GATA2: variants seen among roughly 807,000 people sequenced by gnomAD.
The protein encoded by GATA2 is endothelial transcription factor GATA-2.
GATA2 carries 6 observed loss-of-function variants against 35.7 expected under a neutral mutation model. The ratio of observed to expected loss-of-function variants is 0.17; its 90% CI spans 0.09 to 0.33. GATA2 has a LOEUF of 0.33. GATA2 is among the 10% of genes least tolerant of loss of function. The probability of loss-of-function intolerance (pLI) is 1.00; values close to 1 mark genes in which losing one functional copy is unlikely to be tolerated. For synonymous variants in GATA2, 313 were observed against 274.9 expected, an observed-to-expected ratio of 1.14 and a Z score of -1.37; for missense variants, 541 against 656.6, an observed-to-expected ratio of 0.82 and a Z score of 1.92.
In GATA2 at chr3:128,485,924, C is replaced by T. The variant is rs146116228; in HGVS notation, c.674G>A (p.Ser225Asn). The change falls in exon 3 of 6, where the codon AGT becomes AAT. Residue 225 changes from serine (S) to asparagine (N), a missense_variant. Ser to Asn is a conservative substitution (Grantham distance 46). Transcript: ENST00000341105. Reference sequence around the variant, plus strand: ...TAGGCCTGGGCGCAGGGGACTGCCACTTTCCATCTTCATGCTCTCCGTCAG... The same window carrying T: ...TAGGCCTGGGCGCAGGGGACTGCCATTTTCCATCTTCATGCTCTCCGTCAG... ...VSLTESMKME[S>N]GSPLRPGLAT... 1.2e-6 allele frequency: 2 copies of T among 1,614,078 alleles called. No individual in the cohort carries two copies. Among genetic ancestry groups the T allele is most frequent in the African/African-American group, 2.7e-5 (2 of 74,906 alleles).
chr3:128,491,010 A>G (rs1439990747), intron 1 of GATA2, among the ~76,000 whole-genome samples: 4 of 152,232 alleles, frequency 2.6e-5, no homozygotes, highest in Non-Finnish European at 2.9e-5. Context: ...AAGGTCAGCC[A>G]GGAAGCAGAA....
chr3:128,483,687 G>A (rs1013919628), intron 4 of GATA2, among the ~76,000 whole-genome samples, 173 bp downstream of exon 4: 22 of 152,306 alleles, frequency 1.4e-4, no homozygotes, highest in African/African-American at 4.1e-4. Flanking sequence ...AATCTGGCCC[G>A]AAAGAATCTG....
rs2068739522 is a variant in GATA2 at position 128,488,793 on chromosome 3, CACTT to C, written c.-45-1721_-45-1718del. The stretch of plus-strand genomic sequence containing the variant: ...AAGTCACCTGGAAGTGCTCCCCACT[CACTT>C]CTAGCCCGGAGATCGGCTCTATGGT... On this transcript the variant is annotated intron_variant, in intron 1 of 5. Coordinates refer to ENST00000341105, the MANE Select transcript of GATA2 (RefSeq NM_032638.5). This position sits in a 1 kb window ranked among gnomAD's most constrained non-coding sequence, Gnocchi z 5.8. Among the ~76,000 whole-genome samples the C allele has an allele frequency of 1.3e-5, 2 of 152,188 alleles. No individual in the cohort carries two copies. Among genetic ancestry groups the C allele is most frequent in the South Asian group, 4.1e-4 (2 of 4,828 alleles).
intron 3 of GATA2, among the ~76,000 whole-genome samples, chr3:128,485,330 G>A (rs556319575): frequency 5.9e-5 from 9 of 152,138 alleles, no homozygotes; most frequent in South Asian, 2.1e-4. Context: ...ACAGACACAC[G>A]TATACACATG....
intron 4 of GATA2, 52 bp from the exon 5 acceptor site, chr3:128,481,996 C>T: frequency 6.2e-7 from 1 of 1,605,084 alleles, no homozygotes. Flanking sequence ...CCACCTCGAC[C>T]CCCCTCCCTG....
At chr3:128,483,116 C>A (rs1266286237) in intron 4 of GATA2, among the ~76,000 whole-genome samples, 1 of 152,256 alleles carries the variant, frequency 6.6e-6, no homozygotes, top group Non-Finnish European at 1.5e-5. Flanking sequence ...AAAAAAAGGC[C>A]CCCAAAGCAG....
Position 128,486,393 on chromosome 3 carries a change from AG to A in GATA2, c.230-26del, listed in dbSNP as rs765729565. The stretch of plus-strand genomic sequence containing the variant: ...GCTGCGGGCAAAGAGAGAGAGGATC[AG>A]GGTGGGCAGAAAGATCAGGGTAGGC... On this transcript the variant is annotated intron_variant, in intron 2 of 5. Coordinates refer to ENST00000341105, the MANE Select transcript of GATA2 (RefSeq NM_032638.5). The A allele has an allele frequency of 2.5e-6, 4 of 1,589,782 alleles. No homozygotes were observed. The South Asian group carries it at 4.5e-5, about 18-fold the overall frequency.
rs150052821 is a variant in GATA2, at chr3:128,481,115, G to T, written c.1347C>A (p.Ser449=). The T allele has an allele frequency of 1.4e-4, 229 of 1,614,168 alleles. No individual in the cohort carries two copies. Among genetic ancestry groups the T allele is most frequent in the Non-Finnish European group, 1.8e-4 (217 of 1,180,020 alleles). ...GCGTCGGAGTGGGCAGGATGTGTCC[G>T]GAGTGGCTGAAGGGCGGGAGGTGGC... The part of the protein sequence containing the change: ...PVGHLPPFSH[S]GHILPTPTPI... The change falls in exon 6 of 6, where the codon TCC becomes TCA. Residue 449 remains serine (S), a synonymous_variant. Transcript: ENST00000341105.
rs2068618258 is a variant in GATA2, at chr3:128,480,966, G to C, written c.*53C>G. The C allele has an allele frequency of 6.8e-7, 1 of 1,480,638 alleles. No homozygotes were observed. The highest frequency in any genetic ancestry group is 9.0e-7 in the Non-Finnish European group (1 of 1,111,600). The allele number at this position is 1,480,638 out of a possible 1,614,324, so 91.7% of individuals were successfully genotyped here. Reference sequence around the variant, plus strand: ...CCTTCGGGAAATGCTGGGCTGCTAAGGGTTTGGTCCACCCATCCCGGGAGT... The same window carrying C: ...CCTTCGGGAAATGCTGGGCTGCTAACGGTTTGGTCCACCCATCCCGGGAGT... On this transcript the variant is annotated 3_prime_UTR_variant, in exon 6 of 6. Coordinates refer to ENST00000341105, the MANE Select transcript of GATA2 (RefSeq NM_032638.5).
chr3:128,481,867 G>C lies in GATA2; in HGVS notation c.1095C>G (p.Asn365Lys). The C allele has an allele frequency of 6.2e-7, 1 of 1,614,100 alleles. No individual in the cohort carries two copies. The highest frequency in any genetic ancestry group is 8.5e-7 in the Non-Finnish European group (1 of 1,180,022). Residue 365 changes from asparagine to lysine, a missense_variant, in exon 5 of 6, where the codon AAC (asparagine) becomes AAG (lysine). Transcript: ENST00000341105. ...TTTTLWRRNA[N>K]GDPVCNACGL... ...CACAGGCGTTGCAGACAGGGTCCCC[G>C]TTGGCGTTTCGGCGCCATAAGGTGG...
At position 128,480,475 on chromosome 3, in the gene GATA2, G is replaced by A; in HGVS notation, c.*544C>T. 1 of 239,278 alleles carries A rather than the reference G, an allele frequency of 4.2e-6. No individual in the cohort carries two copies. Among genetic ancestry groups the A allele is most frequent in the Non-Finnish European group, 8.2e-6 (1 of 122,136 alleles). The allele number at this position is 239,278 out of a possible 1,614,324, so 14.8% of individuals were successfully genotyped here. On this transcript the variant is annotated 3_prime_UTR_variant, in exon 6 of 6. Coordinates refer to ENST00000341105, the MANE Select transcript of GATA2 (RefSeq NM_032638.5). ...CACCAGCTCACCCTCCCTGGGCCGT[G>A]GCCACTCTGGCTTTGGCTCAGCCCA...
intron 1 of GATA2, among the ~76,000 whole-genome samples, chr3:128,487,535 A>G (rs1277099777): frequency 2.6e-5 from 4 of 152,100 alleles, no homozygotes; most frequent in Non-Finnish European, 5.9e-5. Flanking sequence ...CTCAACCCCG[A>G]AAACATGCAC....
chr3:128,483,334 G>A lies in GATA2; in HGVS notation c.1017+526C>T, dbSNP rs1051590739. Among the ~76,000 whole-genome samples, 3 of 152,100 alleles carry A rather than the reference G, an allele frequency of 2.0e-5. No homozygotes were observed. The highest frequency in any genetic ancestry group is 2.9e-5 in the Non-Finnish European group (2 of 68,032). Reference sequence around the variant, plus strand: ...CCTTATCTTCAGGCTGCAGATGTCCGGATAGGAAACTCCGGCAGGAGATCC... The same window carrying A: ...CCTTATCTTCAGGCTGCAGATGTCCAGATAGGAAACTCCGGCAGGAGATCC... On this transcript the variant is annotated intron_variant, in intron 4 of 5. Transcript: ENST00000341105.
At chr3:128,487,132 C>A in intron 1 of GATA2, 56 bp from the exon 2 acceptor site, 1 of 1,000,618 alleles carries the variant, frequency 1.0e-6, no homozygotes. Flanking sequence ...CCCCCAAAGT[C>A]CCACCACGAG....
chr3:128,486,062 T>C lies in GATA2; in HGVS notation c.536A>G (p.Lys179Arg), dbSNP rs751678435. The C allele has an allele frequency of 5.0e-6, 8 of 1,613,874 alleles. No homozygotes were observed. The African/African-American group carries it at 6.7e-5, about 13-fold the overall frequency. The change falls in exon 3 of 6, where the codon AAA becomes AGA. Residue 179 changes from lysine (K) to arginine (R), a missense_variant. Physicochemically the swap from Lys to Arg is conservative, Grantham distance 26. Transcript: ENST00000341105. ...GGTGCTAGGGTCAGGAGACACTTCT[T>C]TGGGTGGCGTGGGTGGGAAGCCGAA... ...HLFGFPPTPP[K>R]EVSPDPSTTG...
At chr3:128,490,937 T>C (rs531087416) in intron 1 of GATA2, among the ~76,000 whole-genome samples, 27 of 152,218 alleles carry the variant, frequency 1.8e-4, no homozygotes, top group Non-Finnish European at 3.4e-4. Context: ...GGCGCTGCCT[T>C]TGATCACATT....
intron 1 of GATA2, among the ~76,000 whole-genome samples, chr3:128,491,371 A>G (rs1235777738): frequency 1.3e-5 from 2 of 152,010 alleles, no homozygotes; most frequent in Non-Finnish European, 2.9e-5. Context: ...TGTCAAGGAA[A>G]CCCATTTGCT....
At chr3:128,491,852 C>G (rs1213695767) in intron 1 of GATA2, among the ~76,000 whole-genome samples, 2 of 152,196 alleles carry the variant, frequency 1.3e-5, no homozygotes, top group African/African-American at 4.8e-5. Context: ...GTGCTTCTCC[C>G]TCCTCCACGA....
Position 128,488,704 on chromosome 3 carries a change from C to CG in GATA2, c.-45-1629dup, listed in dbSNP as rs201759442. On this transcript the variant is annotated intron_variant, in intron 1 of 5. Transcript: ENST00000341105. This position sits in a 1 kb window ranked among gnomAD's most constrained non-coding sequence, Gnocchi z 5.8. ...GCAAGAGGTGGCATTTTTTTTCCTCCGGGGGGGGTCCCCGAGGTGGCCTCT... is the reference window on the plus strand; with the variant it reads ...GCAAGAGGTGGCATTTTTTTTCCTCCGGGGGGGGGTCCCCGAGGTGGCCTCT... 4.6e-4 allele frequency among the ~76,000 whole-genome samples: 70 copies of CG among 151,668 alleles called. No individual in the cohort carries two copies. Among genetic ancestry groups the CG allele is most frequent in the Middle Eastern group, 3.4e-3 (1 of 294 alleles).
Sources: allele counts gnomAD v4.1 joint callset (sites outside exome capture counted in the v4.1 genomes callset), GRCh38; gene constraint gnomAD v4.1.1; non-coding constraint Gnocchi (gnomAD v3.1); transcripts MANE v1.5; gene names NCBI Gene and HGNC (gene_info 2026-07-23, HGNC 2026-07-21).